Variants in ANKFN1 observed in about 807,000 individuals in gnomAD.
The protein encoded by ANKFN1 is ankyrin repeat and fibronectin type-III domain-containing protein 1.
Under a neutral mutation model 108.7 loss-of-function variants are expected in ANKFN1, and 74 were observed. That is an observed-to-expected ratio of 0.68 (90% CI 0.56 to 0.83). ANKFN1 has a LOEUF of 0.83. Ranked by LOEUF, ANKFN1 falls within the 40% of genes least tolerant of loss-of-function variation. ANKFN1 has a pLI of 0.00. For synonymous variants in ANKFN1, 547 were observed against 516.2 expected (o/e 1.06, Z -0.81); for missense variants, 1,505 against 1,382.3 (o/e 1.09, Z -1.41).
At chr17:56,292,899 T>C (rs989387170) in intron 3 of ANKFN1, among the ~76,000 whole-genome samples, 1 of 152,244 alleles carries the variant, frequency 6.6e-6, no homozygotes, top group Non-Finnish European at 1.5e-5. Flanking sequence ...CTGCCCATTA[T>C]AATTACAATG....
intron 4 of ANKFN1, among the ~76,000 whole-genome samples, chr17:56,329,538 T>C (rs2045607326): frequency 6.6e-6 from 1 of 152,166 alleles, no homozygotes; most frequent in African/African-American, 2.4e-5. Context: ...TTTAGGTTTT[T>C]TGAGAAAAGT....
intron 3 of ANKFN1, among the ~76,000 whole-genome samples, chr17:56,252,650 T>A (rs1270660632): frequency 6.6e-6 from 1 of 151,270 alleles, no homozygotes; most frequent in African/African-American, 2.4e-5. Flanking sequence ...GGGTGGTGCA[T>A]GCCTGTAGTC....
intron 3 of ANKFN1, among the ~76,000 whole-genome samples, chr17:56,311,324 T>C (rs192439278): frequency 3.6e-4 from 55 of 152,296 alleles, no homozygotes; most frequent in African/African-American, 1.3e-3. Flanking sequence ...CTAATGCTAC[T>C]TCCCATCACA....
intron 4 of ANKFN1, among the ~76,000 whole-genome samples, chr17:56,343,702 T>G (rs909536450): frequency 6.6e-6 from 1 of 151,924 alleles, no homozygotes; most frequent in African/African-American, 2.4e-5. Flanking sequence ...GGGACTCCTA[T>G]TATTTGTATA....
chr17:56,401,361 G>A (rs562653409), intron 8 of ANKFN1, among the ~76,000 whole-genome samples: 8 of 89,788 alleles, frequency 8.9e-5, no homozygotes, highest in Admixed American at 1.6e-4. Flanking sequence ...GTATTGTATT[G>A]TATTGTATTG....
At chr17:56,067,323 A>T (rs1221492148) in intron 4 of ANKFN1, among the ~76,000 whole-genome samples, 1 of 152,098 alleles carries the variant, frequency 6.6e-6, no homozygotes, top group East Asian at 1.9e-4. Flanking sequence ...GACTGTGTTT[A>T]TTACAATATT....
intron 17 of ANKFN1, among the ~76,000 whole-genome samples, chr17:56,481,745 A>G (rs572130829): frequency 1.7e-4 from 26 of 152,336 alleles, no homozygotes; most frequent in African/African-American, 6.0e-4. Flanking sequence ...CATAAAGACA[A>G]TAGAGAAGCA....
At chr17:56,148,067 T>G (rs2143425391) in intron 4 of ANKFN1, among the ~76,000 whole-genome samples, 1 of 152,356 alleles carries the variant, frequency 6.6e-6, no homozygotes, top group Non-Finnish European at 1.5e-5. Context: ...CTAGTTATTG[T>G]TGAAACCAGA....
intron 4 of ANKFN1, among the ~76,000 whole-genome samples, chr17:56,330,704 T>C (rs1014226228): frequency 1.3e-5 from 2 of 152,150 alleles, no homozygotes; most frequent in African/African-American, 2.4e-5. Flanking sequence ...GACAGTTGGT[T>C]ACCCTATGTG....
chr17:56,492,124 T>C (rs1229489775), intron 18 of ANKFN1, 63 bp from the exon 19 acceptor site: 5 of 671,300 alleles, frequency 7.4e-6, no homozygotes, highest in African/African-American at 1.8e-5. Context: ...TTCTCTGAGG[T>C]ATGAATTTCT....
chr17:56,077,188 A>T (rs1905191168), intron 4 of ANKFN1, among the ~76,000 whole-genome samples: 1 of 152,184 alleles, frequency 6.6e-6, no homozygotes, highest in South Asian at 2.1e-4. Flanking sequence ...TGGGAAGGGG[A>T]TACTTCTTCA....
intron 15 of ANKFN1, among the ~76,000 whole-genome samples, chr17:56,476,585 A>T (rs536628452): frequency 3.9e-5 from 6 of 152,376 alleles, no homozygotes; most frequent in Non-Finnish European, 8.8e-5. Context: ...AGTGAAGCTG[A>T]TGATGTAGAG....
At chr17:56,182,594 A>G (rs1229589711) in intron 1 of ANKFN1, among the ~76,000 whole-genome samples, 1 of 152,218 alleles carries the variant, frequency 6.6e-6, no homozygotes, top group Non-Finnish European at 1.5e-5. Flanking sequence ...TTAAGTAAAG[A>G]AGCCATCTTC....
At chr17:56,349,639 C>A (rs1463253765) in intron 4 of ANKFN1, among the ~76,000 whole-genome samples, 1 of 152,056 alleles carries the variant, frequency 6.6e-6, no homozygotes, top group African/African-American at 2.4e-5. Flanking sequence ...TACTATGAGT[C>A]TTCCTAGATA....
chr17:56,362,522 G>A (rs554194945), intron 6 of ANKFN1, among the ~76,000 whole-genome samples: 14 of 152,218 alleles, frequency 9.2e-5, no homozygotes, highest in Non-Finnish European at 1.5e-4. Flanking sequence ...TTCAATATAC[G>A]GTGTTGGGAA....
chr17:56,181,085 T>C (rs1020090619), intron 1 of ANKFN1, among the ~76,000 whole-genome samples: 7 of 152,226 alleles, frequency 4.6e-5, no homozygotes, highest in Non-Finnish European at 7.3e-5. Context: ...CAGAGTCCAG[T>C]TGGCTGTTTG....
At position 56,480,733 on chromosome 17, in the gene ANKFN1, C is replaced by T; in HGVS notation, c.2006C>T (p.Ser669Phe). The change falls in exon 17 of 21, where the codon TCT (serine) becomes TTT (phenylalanine). Residue 669 changes from serine to phenylalanine, a missense_variant. By Grantham distance (155) the Ser-to-Phe change is radical. Transcript: ENST00000682825. ...TCTATGGAAAGTGTGGATCATACTTCTGACTGCCCCATGCAATTGTTCTTC... is the reference window on the plus strand; with the variant it reads ...TCTATGGAAAGTGTGGATCATACTTTTGACTGCCCCATGCAATTGTTCTTC... ...SESMESVDHT[S>F]DCPMQLFFYE... 2 of 1,614,022 alleles carry T rather than the reference C, an allele frequency of 1.2e-6. No individual in the cohort carries two copies. The highest frequency in any genetic ancestry group is 1.7e-6 in the Non-Finnish European group (2 of 1,179,942).
intron 20 of ANKFN1, among the ~76,000 whole-genome samples, chr17:56,504,858 A>G (rs948782571): frequency 6.8e-5 from 10 of 146,152 alleles, no homozygotes; most frequent in Admixed American, 2.1e-4. Context: ...TTTTTAGTAA[A>G]CACAGGGTTG....
intron 3 of ANKFN1, among the ~76,000 whole-genome samples, chr17:56,316,254 G>A (rs2045203682): frequency 6.6e-6 from 1 of 152,080 alleles, no homozygotes; most frequent in Admixed American, 6.6e-5. Flanking sequence ...TAACTTCCTT[G>A]CTTCTCTTGG....
Sources: gnomAD v4.1 joint callset for allele counts (sites outside exome capture counted in the v4.1 genomes callset) on GRCh38, gnomAD v4.1.1 for gene constraint, MANE v1.5 for transcripts, NCBI Gene and HGNC (gene_info 2026-07-23, HGNC 2026-07-21) for gene names.